Variants in IQCM observed in about 807,000 individuals in gnomAD.
The protein encoded by IQCM is IQ domain-containing protein M.
A neutral mutation model predicts 57.6 loss-of-function variants in IQCM; 45 were observed. The observed-to-expected ratio is 0.78, with a 90% CI of 0.62 to 1.00. The LOEUF (loss-of-function observed/expected upper bound fraction) is 1.00, where lower values mean the gene tolerates loss of function less well. Among genes scored for constraint, IQCM ranks in the 50% least tolerant of loss-of-function variants. The probability of loss-of-function intolerance (pLI) is 0.00; values close to 1 mark genes in which losing one functional copy is unlikely to be tolerated. For synonymous variants in IQCM, 148 were observed against 158.9 expected (o/e 0.93, Z 0.51); for missense variants, 468 against 511.6 (o/e 0.91, Z 0.82).
At chr4:149,358,882 A>ATACTCT in intron 13 of IQCM, among the ~76,000 whole-genome samples, 9 of 151,466 alleles carry the variant, frequency 5.9e-5, no homozygotes, top group East Asian at 1.9e-4. Context: ...ATATCATGAG[A>ATACTCT]CCACAGTGGA....
intron 5 of IQCM, chr4:149,691,059 A>G (rs1205453376): frequency 2.6e-5 from 4 of 152,164 alleles, no homozygotes; most frequent in African/African-American, 9.7e-5. Flanking sequence ...TATCATATTA[A>G]GGTAAAGGAG....
chr4:149,507,925 C>T (rs1244913140), intron 12 of IQCM, among the ~76,000 whole-genome samples: 1 of 152,000 alleles, frequency 6.6e-6, no homozygotes, highest in Non-Finnish European at 1.5e-5. Context: ...GGTCCCTCTG[C>T]TGTGTGCAGT....
At chr4:149,760,138 G>A (rs1278287604) in intron 2 of IQCM, among the ~76,000 whole-genome samples, 1 of 151,996 alleles carries the variant, frequency 6.6e-6, no homozygotes, top group Non-Finnish European at 1.5e-5. Context: ...GACAAAATAG[G>A]CCCAGTTAAA....
intron 5 of IQCM, among the ~76,000 whole-genome samples, chr4:149,695,407 C>T (rs910583545): frequency 2.6e-5 from 4 of 151,984 alleles, no homozygotes; most frequent in East Asian, 3.9e-4. Context: ...GAATTTAAAA[C>T]GAGGAATGAA....
chr4:149,584,871 A>C (rs1222642208), intron 9 of IQCM, among the ~76,000 whole-genome samples: 3 of 151,756 alleles, frequency 2.0e-5, no homozygotes, highest in Non-Finnish European at 4.4e-5. Context: ...AAAGGCAACC[A>C]AGAATAGGAG....
intron 13 of IQCM, among the ~76,000 whole-genome samples, chr4:149,384,862 G>A (rs1160894803): frequency 6.6e-6 from 1 of 151,426 alleles, no homozygotes; most frequent in Admixed American, 6.6e-5. Flanking sequence ...TTTGCCACTT[G>A]GTTAAATAGA....
chr4:149,364,852 T>C (rs539023599), intron 13 of IQCM, among the ~76,000 whole-genome samples: 16 of 152,216 alleles, frequency 1.1e-4, no homozygotes, highest in African/African-American at 2.9e-4. Context: ...TCATTAAAAG[T>C]GATTTCAACT....
At chr4:149,744,099 G>C (rs1017027714) in intron 2 of IQCM, among the ~76,000 whole-genome samples, 3 of 152,164 alleles carry the variant, frequency 2.0e-5, no homozygotes, top group Non-Finnish European at 4.4e-5. Flanking sequence ...CATGCTCTTA[G>C]ATAAAAGGCT....
At chr4:149,438,635 G>A (rs911418376) in intron 12 of IQCM, among the ~76,000 whole-genome samples, 2 of 151,928 alleles carry the variant, frequency 1.3e-5, no homozygotes, top group Admixed American at 6.6e-5. Flanking sequence ...ATTTAAAAAC[G>A]AGGATACAAA....
chr4:149,639,959 G>A (rs574824268), intron 7 of IQCM, among the ~76,000 whole-genome samples: 59 of 152,194 alleles, frequency 3.9e-4, no homozygotes, highest in South Asian at 1.0e-3. Flanking sequence ...AAATAAATGA[G>A]AGCATTTCAA....
chr4:149,762,279 G>A (rs770678079), intron 2 of IQCM, among the ~76,000 whole-genome samples: 3 of 151,042 alleles, frequency 2.0e-5, no homozygotes, highest in East Asian at 1.9e-4. Flanking sequence ...TATCTGTCAC[G>A]GGTAGGGAGG....
At chr4:149,513,450 A>T (rs773764737) in intron 12 of IQCM, among the ~76,000 whole-genome samples, 18 of 152,194 alleles carry the variant, frequency 1.2e-4, no homozygotes, top group Non-Finnish European at 2.4e-4. Context: ...GACCACATTT[A>T]TCCATTTAGT....
chr4:149,758,155 T>C (rs901597331), intron 2 of IQCM, among the ~76,000 whole-genome samples: 1 of 152,178 alleles, frequency 6.6e-6, no homozygotes, highest in Non-Finnish European at 1.5e-5. Context: ...GGAGCTTTTG[T>C]AGCAATAGTG....
At chr4:149,509,521 T>C (rs995852058) in intron 12 of IQCM, among the ~76,000 whole-genome samples, 2 of 151,888 alleles carry the variant, frequency 1.3e-5, no homozygotes, top group Non-Finnish European at 2.9e-5. Context: ...AGTGCTAGGA[T>C]TACAGCATGA....
intron 12 of IQCM, among the ~76,000 whole-genome samples, chr4:149,454,281 A>G (rs1418303174): frequency 6.6e-6 from 1 of 151,748 alleles, no homozygotes; most frequent in South Asian, 2.1e-4. Context: ...GAAATACTAC[A>G]CAGCCATAAA....
chr4:149,395,161 A>T (rs895991373), intron 13 of IQCM, among the ~76,000 whole-genome samples: 5 of 152,044 alleles, frequency 3.3e-5, no homozygotes, highest in African/African-American at 1.2e-4. Flanking sequence ...ACATATAAAC[A>T]TATCTATAGC....
chr4:149,710,132 C>T (rs773342157), intron 5 of IQCM, among the ~76,000 whole-genome samples: 4 of 152,106 alleles, frequency 2.6e-5, no homozygotes, highest in African/African-American at 4.8e-5. Context: ...TGTCATAAAA[C>T]TCTTTCTAAA....
At chr4:149,665,582 C>A (rs1428397655) in intron 7 of IQCM, among the ~76,000 whole-genome samples, 1 of 152,118 alleles carries the variant, frequency 6.6e-6, no homozygotes, top group Non-Finnish European at 1.5e-5. Context: ...TTCGGTCTCT[C>A]TTTGTGGGGA....
At chr4:149,805,179 T>C (rs1226746693) in intron 2 of IQCM, among the ~76,000 whole-genome samples, 1 of 152,132 alleles carries the variant, frequency 6.6e-6, no homozygotes, top group Non-Finnish European at 1.5e-5. Flanking sequence ...CTCTTGAGCA[T>C]ATAGAGAATA....
Sources: allele counts gnomAD v4.1 joint callset (sites outside exome capture counted in the v4.1 genomes callset), GRCh38; gene constraint gnomAD v4.1.1; transcripts MANE v1.5; gene names NCBI Gene and HGNC (gene_info 2026-07-23, HGNC 2026-07-21).